The following LMBR1 variants were observed in gnomAD, a reference collection of about 807,000 sequenced individuals.
LMBR1 encodes limb region 1 protein homolog.
A neutral mutation model predicts 73.9 loss-of-function variants in LMBR1; 52 were observed. The ratio of observed to expected loss-of-function variants is 0.70; its 90% CI spans 0.56 to 0.89. The LOEUF (loss-of-function observed/expected upper bound fraction) is 0.89. Ranked by LOEUF, LMBR1 falls within the 40% of genes least tolerant of loss-of-function variation. LMBR1 has a pLI of 0.00. For missense variants in LMBR1, 539 were observed against 579.8 expected (o/e 0.93, Z 0.72); for synonymous variants, 215 against 209.4 (o/e 1.03, Z -0.23).
chr7:156,842,672 GTATGTA>G (rs1838929723), intron 1 of LMBR1, among the ~76,000 whole-genome samples: 1 of 152,148 alleles, frequency 6.6e-6, no homozygotes, highest in Non-Finnish European at 1.5e-5. Flanking sequence ...TCCAGAAGGA[GTATGTA>G]AATCATATGG....
rs1399149688 is a variant in LMBR1 at position 156,685,247 on chromosome 7, C to T, written c.1388-1084G>A. 6.6e-6 allele frequency among the ~76,000 whole-genome samples: 1 copy of T among 152,202 alleles called. No homozygotes were observed. ...CTGATACACAGACCAACATTGCCCT[C>T]TCACAGGGAGAAAGGGCAGAAGAAA... On this transcript the variant is annotated intron_variant, in intron 16 of 16. Transcript: ENST00000353442. This position sits in a 1 kb window ranked among gnomAD's most constrained non-coding sequence, Gnocchi z 4.1.
rs1199161805 is a variant in LMBR1 at position 156,734,227 on chromosome 7, A to G, written c.788T>C (p.Met263Thr). The G allele has an allele frequency of 5.0e-6, 8 of 1,609,426 alleles. No individual in the cohort carries two copies. The Admixed American group carries it at 1.4e-4, about 27-fold the overall frequency. Residue 263 changes from methionine (M) to threonine (T), a missense_variant, in exon 10 of 17, where the codon ATG becomes ACG. Met to Thr is a moderately conservative substitution (Grantham distance 81). Transcript: ENST00000353442. Reference protein sequence around the residue: ...GLSSSVEYNIMELEQELENVK... With the variant: ...GLSSSVEYNITELEQELENVK... ...ATTTTCAAGTTCTTGTTCCAACTCC[A>G]TTATGTTGTATTCCACCGATGAAGA... is the stretch of plus-strand genomic sequence containing the variant.
At chr7:156,806,258 T>C (rs1440153948) in intron 4 of LMBR1, among the ~76,000 whole-genome samples, 1 of 152,204 alleles carries the variant, frequency 6.6e-6, no homozygotes, top group Non-Finnish European at 1.5e-5. Context: ...TGATATTGGG[T>C]TGTAAATTCA....
At chr7:156,758,471 T>C (rs1822324223) in intron 8 of LMBR1, among the ~76,000 whole-genome samples, 1 of 152,200 alleles carries the variant, frequency 6.6e-6, no homozygotes, top group African/African-American at 2.4e-5. Flanking sequence ...ATCCCCAGTA[T>C]TGGAGGTGGG....
At chr7:156,810,961 C>G (rs973218116) in intron 4 of LMBR1, among the ~76,000 whole-genome samples, 1 of 151,704 alleles carries the variant, frequency 6.6e-6, no homozygotes, top group Admixed American at 6.6e-5. Context: ...CAGGCATGCA[C>G]CACCATGCCT....
chr7:156,792,495 A>G (rs1344538751), intron 5 of LMBR1, among the ~76,000 whole-genome samples: 1 of 152,216 alleles, frequency 6.6e-6, no homozygotes, highest in Non-Finnish European at 1.5e-5. Flanking sequence ...AAAAACTTTT[A>G]CTTTATCAAA....
rs146991055 is a variant in LMBR1, at chr7:156,869,144, G to C, written c.66+23784C>G. Among the ~76,000 whole-genome samples the C allele has an allele frequency of 2.6e-3, 399 of 152,152 alleles. 4 individuals are homozygous for C. Among genetic ancestry groups the C allele is most frequent in the African/African-American group, 9.0e-3 (374 of 41,504 alleles). On this transcript the variant is annotated intron_variant, in intron 1 of 16. Coordinates refer to ENST00000353442, the MANE Select transcript of LMBR1 (RefSeq NM_022458.4). ...CTAAGGGCTTTCAAAGATAAATTCT[G>C]AACATCAGACTCTCATGTCTATTTT...
chr7:156,801,236 G>A (rs1830904510), intron 4 of LMBR1, among the ~76,000 whole-genome samples: 1 of 152,134 alleles, frequency 6.6e-6, no homozygotes, highest in Non-Finnish European at 1.5e-5. Context: ...CTTATTTTAA[G>A]AAATTGCCAC....
intron 10 of LMBR1, 78 bp downstream of exon 10, chr7:156,734,099 T>C: frequency 3.7e-6 from 3 of 803,840 alleles, no homozygotes; most frequent in Non-Finnish European, 5.7e-6. Context: ...ATAAATTTTC[T>C]AATATTTCAG....
intron 15 of LMBR1, among the ~76,000 whole-genome samples, chr7:156,719,332 T>C (rs533934798): frequency 6.6e-6 from 1 of 152,270 alleles, no homozygotes; most frequent in Admixed American, 6.5e-5. Flanking sequence ...TATGGCTGCA[T>C]AGTATTCCAT....
At chr7:156,833,703 T>A in intron 3 of LMBR1, 50 bp downstream of exon 3, 1 of 1,375,948 alleles carries the variant, frequency 7.3e-7, no homozygotes, top group Non-Finnish European at 1.0e-6. Context: ...ATTTTGAGAA[T>A]TGATGACTTC....
At chr7:156,840,803 CAA>C (rs34096863) in intron 1 of LMBR1, among the ~76,000 whole-genome samples, 62 of 144,322 alleles carry the variant, frequency 4.3e-4, no homozygotes, top group Non-Finnish European at 5.4e-4. Flanking sequence ...ACTAAAAATA[CAA>C]AAAAAAAAAA....
chr7:156,819,926 G>A (rs747580306), intron 4 of LMBR1, among the ~76,000 whole-genome samples: 2 of 152,182 alleles, frequency 1.3e-5, no homozygotes, highest in African/African-American at 2.4e-5. Flanking sequence ...ATTATGGTGG[G>A]AAAGACCAAG....
chr7:156,803,431 G>A (rs995004179), intron 4 of LMBR1, among the ~76,000 whole-genome samples: 1 of 152,120 alleles, frequency 6.6e-6, no homozygotes, highest in African/African-American at 2.4e-5. Context: ...TCAGAGAAAT[G>A]CAAATCAAAA....
At chr7:156,867,246 A>T (rs1798597496) in intron 1 of LMBR1, among the ~76,000 whole-genome samples, 1 of 152,246 alleles carries the variant, frequency 6.6e-6, no homozygotes, top group African/African-American at 2.4e-5. Context: ...GAATGGCTAT[A>T]ATCAAAAATC....
intron 1 of LMBR1, among the ~76,000 whole-genome samples, chr7:156,888,110 C>CA (rs1563634395): frequency 6.6e-6 from 1 of 152,022 alleles, no homozygotes; most frequent in Non-Finnish European, 1.5e-5. Flanking sequence ...GGCAGTTCCT[C>CA]AAAAAAATTA....
At position 156,781,358 on chromosome 7, in the gene LMBR1, C is replaced by T. The variant is rs191078290; in HGVS notation, c.423+15031G>A. ...ATAGGAAAGATGTACATGAAAGCTT[C>T]CGGCTTCCTGCTCTCACTCCAGACT... On this transcript the variant is annotated intron_variant, in intron 5 of 16. Coordinates refer to ENST00000353442, the MANE Select transcript of LMBR1 (RefSeq NM_022458.4). Among the ~76,000 whole-genome samples the T allele has an allele frequency of 1.9e-3, 285 of 152,206 alleles. 2 individuals carry two copies. The highest frequency in any genetic ancestry group is 6.7e-3 in the African/African-American group (279 of 41,522).
intron 9 of LMBR1, among the ~76,000 whole-genome samples, chr7:156,750,866 A>G (rs1820745266): frequency 6.6e-6 from 1 of 152,132 alleles, no homozygotes; most frequent in East Asian, 1.9e-4. Context: ...TTTTAACACT[A>G]TGGGAGGCCA....
chr7:156,886,315 T>C (rs1801896171), intron 1 of LMBR1, among the ~76,000 whole-genome samples: 1 of 152,212 alleles, frequency 6.6e-6, no homozygotes, highest in African/African-American at 2.4e-5. Context: ...AGTTTATATA[T>C]TTAACAGGTT....
Sources: gnomAD v4.1 joint callset for allele counts (sites outside exome capture counted in the v4.1 genomes callset) on GRCh38, gnomAD v4.1.1 for gene constraint, Gnocchi (gnomAD v3.1) non-coding constraint, MANE v1.5 for transcripts, NCBI Gene and HGNC (gene_info 2026-07-23, HGNC 2026-07-21) for gene names.